The following FMN1 variants were observed in gnomAD, a reference collection of about 807,000 sequenced individuals.
FMN1 encodes the protein formin-1.
FMN1 carries 110 observed loss-of-function variants against 132.4 expected under a neutral mutation model. The ratio of observed to expected loss-of-function variants is 0.83; its 90% CI spans 0.71 to 0.97. The LOEUF is 0.97. Among genes scored for constraint, FMN1 ranks in the 50% least tolerant of loss-of-function variants. The pLI, the probability that FMN1 is intolerant of heterozygous loss-of-function variation, is 0.00. For synonymous variants in FMN1, 722 were observed against 651.7 expected, an observed-to-expected ratio of 1.11 and a Z score of -1.64; for missense variants, 1,792 against 1,705.3, an observed-to-expected ratio of 1.05 and a Z score of -0.90.
At chr15:32,966,938 G>A (rs2031294787) in intron 8 of FMN1, among the ~76,000 whole-genome samples, 1 of 152,126 alleles carries the variant, frequency 6.6e-6, no homozygotes, top group Admixed American at 6.5e-5. Flanking sequence ...AAGTTGGAGG[G>A]ACCCATAATA....
At chr15:33,040,844 C>G (rs1311034881) in intron 6 of FMN1, among the ~76,000 whole-genome samples, 2 of 152,182 alleles carry the variant, frequency 1.3e-5, no homozygotes, top group Admixed American at 6.5e-5. Context: ...GAGATTAGCA[C>G]AGAGGACAGA....
intron 19 of FMN1, among the ~76,000 whole-genome samples, chr15:32,778,364 C>T (rs1347521056): frequency 1.3e-5 from 2 of 149,828 alleles, no homozygotes; most frequent in Admixed American, 6.7e-5. Context: ...ACTGCAACCT[C>T]CACCTCCAGA....
At chr15:33,187,020 C>G (rs995361573) in intron 2 of FMN1, among the ~76,000 whole-genome samples, 1 of 152,166 alleles carries the variant, frequency 6.6e-6, no homozygotes, top group Non-Finnish European at 1.5e-5. Flanking sequence ...TGCCCAGGAA[C>G]AGAGTCATGT....
intron 6 of FMN1, among the ~76,000 whole-genome samples, chr15:33,058,626 G>A (rs570330804): frequency 6.6e-6 from 1 of 152,136 alleles, no homozygotes; most frequent in African/African-American, 2.4e-5. Context: ...CCTATTTGAG[G>A]AATCAAAAGA....
intron 17 of FMN1, among the ~76,000 whole-genome samples, chr15:32,828,852 C>T (rs932997676): frequency 6.6e-6 from 1 of 152,168 alleles, no homozygotes; most frequent in Non-Finnish European, 1.5e-5. Context: ...GTAGTTTCAA[C>T]GTCTTTTACT....
chr15:33,116,844 T>G (rs113843364), intron 4 of FMN1, among the ~76,000 whole-genome samples: 2 of 152,118 alleles, frequency 1.3e-5, no homozygotes, highest in African/African-American at 4.8e-5. Context: ...AGGTCCTTCA[T>G]AGAGAAAATG....
intron 5 of FMN1, among the ~76,000 whole-genome samples, chr15:33,076,554 G>A (rs1487961602): frequency 6.6e-6 from 1 of 152,120 alleles, no homozygotes; most frequent in South Asian, 2.1e-4. Context: ...TGGATGGGAG[G>A]AGCATGCATG....
chr15:32,929,564 C>T (rs1052708187), intron 9 of FMN1, among the ~76,000 whole-genome samples: 6 of 152,178 alleles, frequency 3.9e-5, no homozygotes, highest in Non-Finnish European at 8.8e-5. Flanking sequence ...AAATTTTATA[C>T]CCACAGAATA....
At chr15:32,908,967 A>G (rs1167449592) in intron 11 of FMN1, among the ~76,000 whole-genome samples, 1 of 152,208 alleles carries the variant, frequency 6.6e-6, no homozygotes, top group African/African-American at 2.4e-5. Flanking sequence ...TACTCTTAGA[A>G]CAGCCCTAAA....
chr15:33,019,824 C>T (rs1161237626), intron 6 of FMN1, among the ~76,000 whole-genome samples: 1 of 152,194 alleles, frequency 6.6e-6, no homozygotes, highest in Non-Finnish European at 1.5e-5. Context: ...CCGCAAGCAC[C>T]GCGTGCAGCC....
intron 16 of FMN1, among the ~76,000 whole-genome samples, chr15:32,879,317 A>C (rs2059708503): frequency 6.6e-6 from 1 of 152,220 alleles, no homozygotes; most frequent in East Asian, 1.9e-4. Context: ...ACTCTGGCTA[A>C]TGTATCCAGT....
At chr15:33,126,054 A>G (rs935741152) in intron 4 of FMN1, among the ~76,000 whole-genome samples, 3 of 152,172 alleles carry the variant, frequency 2.0e-5, no homozygotes, top group Non-Finnish European at 4.4e-5. Context: ...TGAAAAACAG[A>G]TAAGGTGGAT....
chr15:32,968,526 T>C (rs1355195151), intron 8 of FMN1, among the ~76,000 whole-genome samples, 188 bp downstream of exon 8: 3 of 152,098 alleles, frequency 2.0e-5, no homozygotes, highest in South Asian at 4.1e-4. Context: ...CTTCAGAGAA[T>C]ACAGAGAGGC....
chr15:33,161,027 T>C (rs1964866932), intron 3 of FMN1, among the ~76,000 whole-genome samples: 1 of 152,238 alleles, frequency 6.6e-6, no homozygotes, highest in Admixed American at 6.5e-5. Flanking sequence ...GAATTAGTTG[T>C]CGTCATTCTG....
intron 15 of FMN1, 41 bp from the exon 16 acceptor site, chr15:32,888,333 T>C (rs754613135): frequency 2.0e-6 from 3 of 1,515,600 alleles, no homozygotes; most frequent in Non-Finnish European, 2.7e-6. Flanking sequence ...TACTTCCCAA[T>C]TGTCACTTTC....
At chr15:33,131,153 A>T (rs2140226665) in intron 4 of FMN1, among the ~76,000 whole-genome samples, 1 of 152,094 alleles carries the variant, frequency 6.6e-6, no homozygotes, top group Admixed American at 6.6e-5. Flanking sequence ...AAATACAAAA[A>T]ATTACAAAAA....
chr15:32,852,618 C>T (rs534377250), intron 17 of FMN1, among the ~76,000 whole-genome samples: 7 of 152,250 alleles, frequency 4.6e-5, no homozygotes, highest in South Asian at 2.1e-4. Context: ...CCTCCTACCT[C>T]GGCTTTGCCA....
chr15:32,898,925 C>A, intron 14 of FMN1, 32 bp from the exon 15 acceptor site: 1 of 1,420,286 alleles, frequency 7.0e-7, no homozygotes, highest in South Asian at 1.2e-5. Flanking sequence ...ACATGAAAAT[C>A]ATTCCCATGA....
At position 32,774,539 on chromosome 15, in the gene FMN1, C is replaced by A. The variant is rs1044703653; in HGVS notation, c.4216-185G>T. Among the ~76,000 whole-genome samples, 56 of 152,132 alleles carry A rather than the reference C, an allele frequency of 3.7e-4. 4 individuals are homozygous for A. Among genetic ancestry groups the A allele is most frequent in the Non-Finnish European group, 7.3e-5 (5 of 68,030 alleles). ...TGCCCCTCCCTACCTATCACCCTTA[C>A]TCCCCAGAAAAACAAACAAGAAATC... On this transcript the variant is annotated intron_variant, in intron 20 of 20. Coordinates refer to ENST00000616417, the MANE Select transcript of FMN1 (RefSeq NM_001277313.2).
Sources: gnomAD v4.1 joint callset for allele counts (sites outside exome capture counted in the v4.1 genomes callset) on GRCh38, gnomAD v4.1.1 for gene constraint, MANE v1.5 for transcripts, NCBI Gene and HGNC (gene_info 2026-07-23, HGNC 2026-07-21) for gene names.